Variants in RUNDC3B observed in about 807,000 individuals in gnomAD.
The protein encoded by RUNDC3B is RUN domain containing 3B, also known as RUN domain-containing protein 3B.
Under a neutral mutation model 58.4 loss-of-function variants are expected in RUNDC3B, and 33 were observed. The ratio of observed to expected loss-of-function variants is 0.56; its 90% CI spans 0.43 to 0.75. The LOEUF is 0.75. Among genes scored for constraint, RUNDC3B ranks in the 30% least tolerant of loss-of-function variants. The pLI is 0.00. For missense variants in RUNDC3B, 501 were observed against 535.7 expected, an observed-to-expected ratio of 0.94 and a Z score of 0.64; for synonymous variants, 193 against 195.2, an observed-to-expected ratio of 0.99 and a Z score of 0.10.
intron 10 of RUNDC3B, 79 bp downstream of exon 10, chr7:87,816,341 A>T: frequency 9.4e-7 from 1 of 1,059,144 alleles, no homozygotes. Context: ...TTGCCAGAGA[A>T]TAATAGTGAC....
At chr7:87,644,947 G>A (rs902722658) in intron 1 of RUNDC3B, among the ~76,000 whole-genome samples, 1 of 151,958 alleles carries the variant, frequency 6.6e-6, no homozygotes, top group Non-Finnish European at 1.5e-5. Flanking sequence ...AGGAATTAAT[G>A]TAATATGGAT....
intron 4 of RUNDC3B, among the ~76,000 whole-genome samples, chr7:87,732,605 T>TA (rs1202562902): frequency 1.3e-5 from 2 of 152,060 alleles, no homozygotes; most frequent in African/African-American, 4.8e-5. Flanking sequence ...GATTGAGAAA[T>TA]AACAGACACA....
intron 9 of RUNDC3B, 73 bp from the exon 10 acceptor site, chr7:87,816,068 C>A: frequency 6.6e-6 from 7 of 1,055,420 alleles, no homozygotes; most frequent in South Asian, 4.5e-5. Context: ...TATTGAAAAC[C>A]ATTAAATAAC....
At chr7:87,700,384 CT>C in intron 2 of RUNDC3B, 36 bp from the exon 3 acceptor site, 1 of 1,517,166 alleles carries the variant, frequency 6.6e-7, no homozygotes, top group Non-Finnish European at 8.9e-7. Context: ...TTTTATTTTA[CT>C]TTTTAAAATT....
At chr7:87,680,617 AC>A (rs1374181426) in intron 2 of RUNDC3B, among the ~76,000 whole-genome samples, 1 of 149,940 alleles carries the variant, frequency 6.7e-6, no homozygotes, top group Non-Finnish European at 1.5e-5. Context: ...ACATGGTGAA[AC>A]CCCGTTTCTA....
At chr7:87,666,827 A>G (rs904429442) in intron 2 of RUNDC3B, among the ~76,000 whole-genome samples, 14 of 151,882 alleles carry the variant, frequency 9.2e-5, no homozygotes, top group Non-Finnish European at 2.1e-4. Flanking sequence ...TGGGCTCTCT[A>G]TTCTGTTCCA....
At chr7:87,750,035 C>G (rs377085145) in intron 6 of RUNDC3B, among the ~76,000 whole-genome samples, 3 of 151,964 alleles carry the variant, frequency 2.0e-5, no homozygotes, top group Non-Finnish European at 2.9e-5. Context: ...CCTCTCCCCC[C>G]ACCCCACAAC....
At chr7:87,684,817 A>G (rs1161093471) in intron 2 of RUNDC3B, among the ~76,000 whole-genome samples, 1 of 151,102 alleles carries the variant, frequency 6.6e-6, no homozygotes, top group Non-Finnish European at 1.5e-5. Context: ...ACACATAAAT[A>G]TGCTTGATTC....
intron 4 of RUNDC3B, among the ~76,000 whole-genome samples, chr7:87,734,457 C>G (rs1324057226): frequency 6.6e-6 from 1 of 152,108 alleles, no homozygotes; most frequent in Non-Finnish European, 1.5e-5. Flanking sequence ...CTTTAGTTAC[C>G]AACTTTCTGT....
intron 10 of RUNDC3B, among the ~76,000 whole-genome samples, chr7:87,818,448 G>A (rs1837200989): frequency 1.3e-5 from 2 of 152,180 alleles, no homozygotes; most frequent in South Asian, 4.1e-4. Context: ...ATGTTCTCAT[G>A]ATGAGTTAGT....
At chr7:87,793,860 A>G (rs1352513630) in intron 8 of RUNDC3B, among the ~76,000 whole-genome samples, 2 of 152,264 alleles carry the variant, frequency 1.3e-5, no homozygotes, top group Non-Finnish European at 2.9e-5. Flanking sequence ...AAAGAAACAA[A>G]GGTCATCCAA....
chr7:87,806,178 T>C (rs1468949699), intron 8 of RUNDC3B, among the ~76,000 whole-genome samples: 2 of 152,178 alleles, frequency 1.3e-5, no homozygotes, highest in African/African-American at 2.4e-5. Context: ...CTTGTGGACA[T>C]AGTGGAACAA....
intron 2 of RUNDC3B, among the ~76,000 whole-genome samples, chr7:87,680,891 C>T (rs1367076898): frequency 6.7e-6 from 1 of 150,136 alleles, no homozygotes; most frequent in Non-Finnish European, 1.5e-5. Context: ...TAGATAAAAG[C>T]AGAAATCAAT....
intron 8 of RUNDC3B, among the ~76,000 whole-genome samples, chr7:87,806,285 T>C (rs1002114353): frequency 2.6e-5 from 4 of 152,208 alleles, no homozygotes; most frequent in Admixed American, 2.6e-4. Flanking sequence ...TTAGTATCAT[T>C]GTAAACAGCC....
chr7:87,745,999 G>C (rs1216096897), intron 6 of RUNDC3B, among the ~76,000 whole-genome samples: 2 of 151,812 alleles, frequency 1.3e-5, no homozygotes, highest in Non-Finnish European at 2.9e-5. Flanking sequence ...GATAGGTTGT[G>C]TCATTATTGT....
intron 10 of RUNDC3B, 82 bp from the exon 11 acceptor site, chr7:87,829,803 C>T: frequency 9.6e-7 from 1 of 1,041,712 alleles, no homozygotes; most frequent in Admixed American, 2.4e-5. Flanking sequence ...ATTGATTCTT[C>T]CAATTTCTAA....
chr7:87,765,884 T>C (rs1833951112), intron 6 of RUNDC3B, among the ~76,000 whole-genome samples: 1 of 152,120 alleles, frequency 6.6e-6, no homozygotes, highest in Non-Finnish European at 1.5e-5. Flanking sequence ...CTAGTGCTAT[T>C]AGTAGAGTGT....
chr7:87,678,879 A>G (rs1391230774), intron 2 of RUNDC3B, among the ~76,000 whole-genome samples: 2 of 152,150 alleles, frequency 1.3e-5, no homozygotes, highest in Non-Finnish European at 2.9e-5. Context: ...AAGAAGACAG[A>G]ACAAAACCAA....
chr7:87,775,675 T>TA (rs1424207171), intron 7 of RUNDC3B, among the ~76,000 whole-genome samples: 4 of 152,176 alleles, frequency 2.6e-5, no homozygotes, highest in African/African-American at 4.8e-5. Flanking sequence ...GTGCCTTTTT[T>TA]AAAAAAAATC....
Sources: allele counts gnomAD v4.1 joint callset (sites outside exome capture counted in the v4.1 genomes callset), GRCh38; gene constraint gnomAD v4.1.1; transcripts MANE v1.5; gene names NCBI Gene and HGNC (gene_info 2026-07-23, HGNC 2026-07-21).